The following CENATAC variants were observed in gnomAD, a reference collection of about 807,000 sequenced individuals.
CENATAC encodes the protein centrosomal AT-AC splicing factor.
A neutral mutation model predicts 53.7 loss-of-function variants in CENATAC; 53 were observed. The ratio of observed to expected loss-of-function variants is 0.99; its 90% CI spans 0.79 to 1.24. The LOEUF (loss-of-function observed/expected upper bound fraction) is 1.24. CENATAC is among the 50% of genes most tolerant of loss of function. The pLI is 0.00. For synonymous variants in CENATAC, 156 were observed against 144.6 expected, an observed-to-expected ratio of 1.08 and a Z score of -0.57; for missense variants, 474 against 417.8, an observed-to-expected ratio of 1.13 and a Z score of -1.17.
At chr11:119,013,130 C>G in intron 7 of CENATAC, 102 bp from the exon 8 acceptor site, 1 of 843,318 alleles carries the variant, frequency 1.2e-6, no homozygotes, top group Non-Finnish European at 1.9e-6. Flanking sequence ...AGCAGTCACA[C>G]CCACCTCTTT....
rs1366990208 is a variant in CENATAC, at chr11:118,998,187, G to A, written c.-11G>A. 5 of 1,575,430 alleles carry A rather than the reference G, an allele frequency of 3.2e-6. No homozygotes were observed. The South Asian group carries it at 5.8e-5, about 18-fold the overall frequency. On this transcript the variant is annotated 5_prime_UTR_variant, in exon 1 of 11. Transcript: ENST00000334418. ...CGGCCGCTGGTGGTGGTGATACCGG[G>A]TACCCGGGCTATGGCGCCGGCGCAG...
chr11:119,009,377 G>A (rs1942760723), intron 3 of CENATAC, among the ~76,000 whole-genome samples: 1 of 152,040 alleles, frequency 6.6e-6, no homozygotes, highest in Non-Finnish European at 1.5e-5. Flanking sequence ...CACCCGTCTC[G>A]GCCTCCCAAA....
chr11:119,011,823 C>T, intron 5 of CENATAC, 116 bp from the exon 6 acceptor site: 1 of 846,408 alleles, frequency 1.2e-6, no homozygotes, highest in Non-Finnish European at 2.0e-6. Flanking sequence ...TGGGCAGTAC[C>T]TTCCATATGC....
chr11:119,000,232 T>C (rs1369287438), intron 3 of CENATAC, among the ~76,000 whole-genome samples: 1 of 152,238 alleles, frequency 6.6e-6, no homozygotes, highest in Non-Finnish European at 1.5e-5. Flanking sequence ...CTTTAGATCC[T>C]TCACCTTCCT....
chr11:118,999,337 A>C (rs1242166665), intron 3 of CENATAC: 1 of 457,498 alleles, frequency 2.2e-6, no homozygotes, highest in African/African-American at 1.9e-5. Flanking sequence ...CTAAAAGTTG[A>C]CTGTTATCAA....
rs973038003 is a variant in CENATAC, at chr11:118,998,151, T to A, written c.-47T>A. On this transcript the variant is annotated 5_prime_UTR_variant, in exon 1 of 11. The change abolishes an upstream ATG in the 5' untranslated region. Transcript: ENST00000334418. ...GGGGTCAGGGTCAGAGGCCGCCGGA[T>A]GGCGTAGGATCGGCCGCTGGTGGTG... 2.6e-6 allele frequency: 4 copies of A among 1,554,668 alleles called. No homozygotes were observed. The highest frequency in any genetic ancestry group is 2.7e-5 in the African/African-American group (2 of 73,556).
At chr11:118,999,176 CT>C in intron 3 of CENATAC, 67 bp downstream of exon 3, 1 of 1,217,192 alleles carries the variant, frequency 8.2e-7, no homozygotes, top group Non-Finnish European at 1.2e-6. Context: ...GGTATGGGAG[CT>C]TACTCTATTA....
At chr11:119,002,022 G>A (rs959390910) in intron 3 of CENATAC, among the ~76,000 whole-genome samples, 15 of 151,864 alleles carry the variant, frequency 9.9e-5, no homozygotes, top group South Asian at 2.1e-4. Context: ...TCAGGAGTTC[G>A]AGACCAGCTT....
At position 119,010,760 on chromosome 11, in the gene CENATAC, T is replaced by C; in HGVS notation, c.384-4T>C. 1 of 1,614,144 alleles carries C rather than the reference T, an allele frequency of 6.2e-7. No homozygotes were observed. The highest frequency in any genetic ancestry group is 8.5e-7 in the Non-Finnish European group (1 of 1,179,980). Reference sequence around the variant, plus strand: ...CTGGGTGGTTTTGCCCCTTTTCTTTTTAGATTCAAGAAATCCATGGTGAAA... The same window carrying C: ...CTGGGTGGTTTTGCCCCTTTTCTTTCTAGATTCAAGAAATCCATGGTGAAA... On this transcript the variant is annotated splice_region_variant and splice_polypyrimidine_tract_variant and intron_variant, in intron 3 of 10. Transcript: ENST00000334418.
chr11:119,015,145 C>T, intron 9 of CENATAC, 62 bp downstream of exon 9: 1 of 1,499,316 alleles, frequency 6.7e-7, no homozygotes, highest in Non-Finnish European at 9.2e-7. Flanking sequence ...GGTTTCCTTG[C>T]CTGTGTGTGG....
chr11:119,002,340 A>C (rs1942346696), intron 3 of CENATAC, among the ~76,000 whole-genome samples: 1 of 143,816 alleles, frequency 7.0e-6, no homozygotes, highest in South Asian at 2.3e-4. Context: ...AATAGAAAAA[A>C]GATTTTTTTT....
At chr11:119,006,160 G>T (rs1226811084) in intron 3 of CENATAC, among the ~76,000 whole-genome samples, 1 of 126,138 alleles carries the variant, frequency 7.9e-6, no homozygotes, top group Non-Finnish European at 1.6e-5. Flanking sequence ...GATCTCAGTT[G>T]ACTGCAACCT....
intron 7 of CENATAC, chr11:119,013,003 C>T: frequency 2.2e-6 from 1 of 455,264 alleles, no homozygotes; most frequent in Non-Finnish European, 3.9e-6. Flanking sequence ...AGCCACTCTA[C>T]TTACAGACAT....
intron 3 of CENATAC, among the ~76,000 whole-genome samples, chr11:119,002,024 G>A (rs1942322785): frequency 1.3e-5 from 2 of 151,926 alleles, no homozygotes; most frequent in Admixed American, 6.6e-5. Flanking sequence ...AGGAGTTCGA[G>A]ACCAGCTTGG....
At chr11:119,005,633 AACCACACT>A (rs1942551858) in intron 3 of CENATAC, 1 of 151,474 alleles carries the variant, frequency 6.6e-6, no homozygotes, top group Non-Finnish European at 1.5e-5. Context: ...TCTGGACTTC[AACCACACT>A]GTAATTTTTT....
intron 3 of CENATAC, among the ~76,000 whole-genome samples, chr11:119,000,991 A>T (rs921408077): frequency 6.6e-6 from 1 of 152,116 alleles, no homozygotes; most frequent in Non-Finnish European, 1.5e-5. Flanking sequence ...AGTACATATC[A>T]AACAATTCAG....
chr11:119,014,974 A>AAAG lies in CENATAC; in HGVS notation c.716-20_716-19insAAG. On this transcript the variant is annotated intron_variant, in intron 8 of 10. Transcript: ENST00000334418. ...CTGAAGACTTAAAAAAAAAAAAAAA[A>AAAG]GCCTTAATTTTTTTTTCAGGTGCCA... 1.4e-6 allele frequency: 2 copies of AAAG among 1,459,504 alleles called. No individual in the cohort carries two copies. The highest frequency in any genetic ancestry group is 1.9e-6 in the Non-Finnish European group (2 of 1,065,904). 90.4% of individuals were successfully genotyped at this position (1,459,504 alleles called of 1,614,324 possible). A position where few individuals can be genotyped will look rare whatever the true frequency, so the allele number is the denominator to read the frequency against.
chr11:119,003,210 G>C, intron 3 of CENATAC: 1 of 534,814 alleles, frequency 1.9e-6, no homozygotes, highest in Non-Finnish European at 3.7e-6. Context: ...TGGAGACTCA[G>C]TGGTCAGAGG....
chr11:119,004,287 G>T (rs536082910), intron 3 of CENATAC, among the ~76,000 whole-genome samples: 1 of 151,412 alleles, frequency 6.6e-6, no homozygotes, highest in African/African-American at 2.4e-5. Context: ...TTGCTCTGTT[G>T]CCCAGGCTGG....
Sources: allele counts gnomAD v4.1 joint callset (sites outside exome capture counted in the v4.1 genomes callset), GRCh38; gene constraint gnomAD v4.1.1; transcripts MANE v1.5; gene names NCBI Gene and HGNC (gene_info 2026-07-23, HGNC 2026-07-21).